PIAS1: variants seen among roughly 807,000 people sequenced by gnomAD.
PIAS1 encodes the protein E3 SUMO-protein ligase PIAS1.
In PIAS1, 6 loss-of-function variants were observed where a neutral mutation model predicts 71.3. That is an observed-to-expected ratio of 0.08 (90% confidence interval 0.05 to 0.17). The LOEUF is 0.17. Ranked by LOEUF, PIAS1 falls within the 10% of genes least tolerant of loss-of-function variation. The pLI is 1.00. For synonymous variants in PIAS1, 303 were observed against 292.9 expected (o/e 1.03, Z -0.35); for missense variants, 555 against 793.6 (o/e 0.70, Z 3.61).
Position 68,086,822 on chromosome 15 carries a change from C to G in PIAS1, c.469+72C>G. On this transcript the variant is annotated intron_variant, in intron 2 of 13. Coordinates refer to ENST00000249636, the MANE Select transcript of PIAS1 (RefSeq NM_016166.3). The surrounding 1 kb of genome is among the most constrained non-coding windows in gnomAD (Gnocchi z 7.2). Reference sequence around the variant, plus strand: ...TTTCGTTTTAGGCTTTTACTTTGACCCAGTTTATTATTCATAATGAAATTT... The same window carrying G: ...TTTCGTTTTAGGCTTTTACTTTGACGCAGTTTATTATTCATAATGAAATTT... The G allele has an allele frequency of 1.2e-6, 1 of 817,098 alleles. No homozygotes were observed. The highest frequency in any genetic ancestry group is 2.0e-6 in the Non-Finnish European group (1 of 508,708). The allele number at this position is 817,098 out of a possible 1,614,324, so 50.6% of individuals were successfully genotyped here. A position where few individuals can be genotyped will look rare whatever the true frequency, so the allele number is the denominator to read the frequency against.
At chr15:68,127,437 C>T (rs191947380) in intron 2 of PIAS1, among the ~76,000 whole-genome samples, 117 of 152,314 alleles carry the variant, frequency 7.7e-4, no homozygotes, top group Non-Finnish European at 8.4e-4. Flanking sequence ...GTTAGCCCCA[C>T]TTGTACAGGT....
chr15:68,147,091 C>G (rs911491036), intron 6 of PIAS1, among the ~76,000 whole-genome samples: 2 of 152,200 alleles, frequency 1.3e-5, no homozygotes, highest in Non-Finnish European at 2.9e-5. Context: ...GTAGCTATAA[C>G]TTTGCATGCA....
intron 2 of PIAS1, among the ~76,000 whole-genome samples, chr15:68,092,971 T>A (rs553908109): frequency 2.0e-5 from 3 of 152,348 alleles, no homozygotes; most frequent in African/African-American, 7.2e-5. Context: ...AAGTGATACA[T>A]AAGTTAAACA....
chr15:68,085,161 A>T (rs2092268122), intron 1 of PIAS1, among the ~76,000 whole-genome samples: 1 of 152,162 alleles, frequency 6.6e-6, no homozygotes, highest in Non-Finnish European at 1.5e-5. Flanking sequence ...TGTATTTGGT[A>T]TGAGGTGAAG....
intron 11 of PIAS1, among the ~76,000 whole-genome samples, chr15:68,180,657 TAACTG>T (rs1240791973): frequency 3.9e-5 from 6 of 152,200 alleles, no homozygotes; most frequent in African/African-American, 9.7e-5. Flanking sequence ...AATGTGCTGA[TAACTG>T]TACTGGGCAT....
chr15:68,109,813 C>T (rs1342830873), intron 2 of PIAS1, among the ~76,000 whole-genome samples: 1 of 152,192 alleles, frequency 6.6e-6, no homozygotes, highest in Non-Finnish European at 1.5e-5. Context: ...ACAAAAATGT[C>T]TATTCAGGGA....
chr15:68,066,435 A>G (rs1187655471), intron 1 of PIAS1, among the ~76,000 whole-genome samples: 1 of 152,176 alleles, frequency 6.6e-6, no homozygotes, highest in Non-Finnish European at 1.5e-5. Context: ...AGTAAAATAT[A>G]AGAATCATAT....
rs143666798 is a variant in PIAS1, at chr15:68,095,670, A to G, written c.469+8920A>G. On this transcript the variant is annotated intron_variant, in intron 2 of 13. Coordinates refer to ENST00000249636, the MANE Select transcript of PIAS1 (RefSeq NM_016166.3). Reference sequence around the variant, plus strand: ...CTCAGCCTCCCAAGTAGCTGGGACTACAGGTGCCCACTGCCACGCCTGGCT... The same window carrying G: ...CTCAGCCTCCCAAGTAGCTGGGACTGCAGGTGCCCACTGCCACGCCTGGCT... Among the ~76,000 whole-genome samples the G allele has an allele frequency of 3.1e-3, 475 of 151,950 alleles. 1 individual carries two copies. Among genetic ancestry groups the G allele is most frequent in the African/African-American group, 0.011 (460 of 41,422 alleles).
At chr15:68,146,475 T>G in intron 5 of PIAS1, 91 bp from the exon 6 acceptor site, 1 of 817,612 alleles carries the variant, frequency 1.2e-6, no homozygotes, top group African/African-American at 1.7e-5. Context: ...TATTTTCTAG[T>G]ATGCAGTTTG....
At chr15:68,164,891 G>C (rs774970714) in intron 8 of PIAS1, 87 bp downstream of exon 8, 68 of 723,102 alleles carry the variant, frequency 9.4e-5, no homozygotes, top group Non-Finnish European at 1.5e-4. Flanking sequence ...GAGAAATTCT[G>C]TTTGCTTCTA....
chr15:68,153,635 G>T lies in PIAS1; in HGVS notation c.874G>T (p.Val292Phe). ...TCTTGTAAAACAGTTGTCCTCAACA[G>T]TTCTTCTTCAGAGGTTACGAGCAAA... ...VYLVKQLSST[V>F]LLQRLRAKGI... is the part of the protein sequence containing the mutation. Residue 292 changes from valine to phenylalanine, a missense_variant, in exon 7 of 14, where the codon GTT (valine) becomes TTT (phenylalanine). Val to Phe is a conservative substitution (Grantham distance 50). This residue lies in a region of PIAS1 where 134 missense variants were observed against 203.4 expected (regional missense o/e 0.66). Transcript: ENST00000249636. The T allele has an allele frequency of 6.3e-7, 1 of 1,599,602 alleles. No individual in the cohort carries two copies. Among genetic ancestry groups the T allele is most frequent in the East Asian group, 2.2e-5 (1 of 44,652 alleles).
At position 68,187,436 on chromosome 15, in the gene PIAS1, A is replaced by G; in HGVS notation, c.1663-106A>G. ...TCTTAGTAAATATTTCAGAAACCCT[A>G]GATACTCAGGCTATCTTAAATTTAG... On this transcript the variant is annotated intron_variant, in intron 13 of 13. Coordinates refer to ENST00000249636, the MANE Select transcript of PIAS1 (RefSeq NM_016166.3). The surrounding 1 kb of genome is among the most constrained non-coding windows in gnomAD (Gnocchi z 5.3). 1 of 1,002,568 alleles carries G rather than the reference A, an allele frequency of 1.0e-6. No homozygotes were observed. Among genetic ancestry groups the G allele is most frequent in the East Asian group, 2.5e-5 (1 of 40,530 alleles). 62.1% of individuals were successfully genotyped at this position (1,002,568 alleles called of 1,614,324 possible).
chr15:68,130,109 C>G (rs564272472), intron 2 of PIAS1, among the ~76,000 whole-genome samples: 7 of 151,976 alleles, frequency 4.6e-5, no homozygotes, highest in African/African-American at 1.7e-4. Flanking sequence ...GCATTGCATG[C>G]CTGTATCAAA....
At position 68,191,801 on chromosome 15, in the gene PIAS1, AGTAAG is replaced by A. The variant is rs1247647715; in HGVS notation, c.*3971_*3975del. 6.6e-6 allele frequency: 1 copy of A among 152,212 alleles called. No individual in the cohort carries two copies. The highest frequency in any genetic ancestry group is 1.5e-5 in the Non-Finnish European group (1 of 68,050). 9.4% of individuals were successfully genotyped at this position (152,212 alleles called of 1,614,324 possible). ...GAATGAGCTTGAAACCAGGACCAGG[AGTAAG>A]GTAACAGCCCTTCCTCGGGTAGAGG... On this transcript the variant is annotated 3_prime_UTR_variant, in exon 14 of 14. Transcript: ENST00000249636.
chr15:68,097,752 A>AAAT (rs1346969271), intron 2 of PIAS1, among the ~76,000 whole-genome samples: 32 of 152,104 alleles, frequency 2.1e-4, no homozygotes, highest in Non-Finnish European at 4.4e-4. Context: ...TAATTTATTA[A>AAAT]ATGCTTTTTC....
At chr15:68,129,780 A>C (rs1209671329) in intron 2 of PIAS1, among the ~76,000 whole-genome samples, 2 of 143,338 alleles carry the variant, frequency 1.4e-5, no homozygotes, top group African/African-American at 5.1e-5. Flanking sequence ...AGCAGATTGC[A>C]AAATAATTGT....
At position 68,192,659 on chromosome 15, in the gene PIAS1, C is replaced by T. The variant is rs1179129362; in HGVS notation, c.*4824C>T. The T allele has an allele frequency of 6.6e-6, 1 of 152,220 alleles. No homozygotes were observed. The highest frequency in any genetic ancestry group is 1.5e-5 in the Non-Finnish European group (1 of 68,056). 9.4% of individuals were successfully genotyped at this position (152,220 alleles called of 1,614,324 possible). A position where few individuals can be genotyped will look rare whatever the true frequency, so the allele number is the denominator to read the frequency against. On this transcript the variant is annotated 3_prime_UTR_variant, in exon 14 of 14. Transcript: ENST00000249636. ...AGACAGTTGCACTAACACTACAACT[C>T]TTGTTCCCTGCAGTTTTCCCTGTGC...
chr15:68,092,920 C>T (rs538312721), intron 2 of PIAS1, among the ~76,000 whole-genome samples: 1 of 152,280 alleles, frequency 6.6e-6, no homozygotes, highest in East Asian at 1.9e-4. Flanking sequence ...TAAGATACTC[C>T]TTTTAGCCAA....
chr15:68,158,353 C>T (rs905030213), intron 7 of PIAS1, among the ~76,000 whole-genome samples: 6 of 152,056 alleles, frequency 3.9e-5, no homozygotes, highest in Non-Finnish European at 7.4e-5. Flanking sequence ...TAGTTTTGTG[C>T]TCTATGCCTC....
Sources: gnomAD v4.1 joint callset for allele counts (sites outside exome capture counted in the v4.1 genomes callset) on GRCh38, gnomAD v4.1.1 for gene constraint, gnomAD v4.1.1 regional missense constraint, Gnocchi (gnomAD v3.1) non-coding constraint, MANE v1.5 for transcripts, NCBI Gene and HGNC (gene_info 2026-07-23, HGNC 2026-07-21) for gene names.